TF: variants seen among roughly 807,000 people sequenced by gnomAD.
TF encodes the protein serotransferrin.
TF carries 55 observed loss-of-function variants against 82.4 expected under a neutral mutation model. The observed-to-expected ratio is 0.67, with a 90% CI of 0.54 to 0.84. The LOEUF is 0.84. Among genes scored for constraint, TF ranks in the 40% least tolerant of loss-of-function variants. The pLI, the probability that TF is intolerant of heterozygous loss-of-function variation, is 0.00. For synonymous variants in TF, 332 were observed against 332.6 expected (o/e 1.00, Z 0.02); for missense variants, 737 against 868.4 (o/e 0.85, Z 1.90).
Position 133,781,107 on chromosome 3 carries a change from T to A in TF, c.*2487T>A, listed in dbSNP as rs982998537. On this transcript the variant is annotated 3_prime_UTR_variant, in exon 17 of 17. Transcript: ENST00000402696. ...GCCAAGTCGGGCGGATCACCTGAGG[T>A]CAGGAGTTCGAGACCAGCTTGACAA... The A allele has an allele frequency of 2.0e-5, 3 of 152,062 alleles. No homozygotes were observed. Among genetic ancestry groups the A allele is most frequent in the Non-Finnish European group, 4.4e-5 (3 of 68,038 alleles). 9.4% of individuals were successfully genotyped at this position (152,062 alleles called of 1,614,324 possible). A position where few individuals can be genotyped will look rare whatever the true frequency, so the allele number is the denominator to read the frequency against.
chr3:133,724,584 A>T, the TF span, among the ~76,000 whole-genome samples: 1 of 151,764 alleles, frequency 6.6e-6, no homozygotes, highest in Admixed American at 6.6e-5. Flanking sequence ...GGTTGCGAAA[A>T]TTTTCTCCCA....
Position 133,757,005 on chromosome 3 carries a change from C to T in TF, c.866C>T (p.Ala289Val). The T allele has an allele frequency of 6.2e-7, 1 of 1,614,184 alleles. No homozygotes were observed. ...TTGATCTGGGAGCTTCTCAACCAGG[C>T]CCAGGTATCCCCACCTGCCATCCTC... ...EDLIWELLNQAQEHFGKDKSK... is the reference protein window; with the variant it reads ...EDLIWELLNQVQEHFGKDKSK... The change falls in exon 7 of 17, where the codon GCC becomes GTC. Residue 289 changes from alanine to valine, a missense_variant. Coordinates refer to ENST00000402696, the MANE Select transcript of TF (RefSeq NM_001063.4).
chr3:133,700,256 C>G, the TF span: 2 of 152,448 alleles, frequency 1.3e-5, no homozygotes, highest in East Asian at 3.8e-4. Context: ...TCAGGGAGGG[C>G]AGCAGGTGGC....
chr3:133,732,061 G>T, the TF span, among the ~76,000 whole-genome samples: 1 of 152,146 alleles, frequency 6.6e-6, no homozygotes, highest in African/African-American at 2.4e-5. Context: ...GGGACCTGAG[G>T]GGCTGGGCTC....
At chr3:133,680,502 G>T in the TF span, among the ~76,000 whole-genome samples, 3,131 of 151,332 alleles carry the variant, frequency 0.021, 120 homozygotes, top group African/African-American at 0.072. Flanking sequence ...ATGGCATCCA[G>T]CTACTCTCCA....
At chr3:133,664,509 G>A in the TF span, among the ~76,000 whole-genome samples, 2 of 151,980 alleles carry the variant, frequency 1.3e-5, no homozygotes, top group Non-Finnish European at 2.9e-5. Context: ...TTTTAGTGGA[G>A]ACGGGTTTCA....
chr3:133,685,085 A>G, the TF span, among the ~76,000 whole-genome samples: 1 of 152,216 alleles, frequency 6.6e-6, no homozygotes, highest in Non-Finnish European at 1.5e-5. Flanking sequence ...TCATATAAAC[A>G]GAACCAAAGG....
the TF span, among the ~76,000 whole-genome samples, chr3:133,714,679 T>TTTTG: frequency 4.7e-5 from 7 of 150,254 alleles, no homozygotes; most frequent in Admixed American, 3.3e-4. Context: ...TGAGTTGTTT[T>TTTTG]TTTGTTTGTT....
At chr3:133,739,635 T>C in the TF span, among the ~76,000 whole-genome samples, 1 of 151,068 alleles carries the variant, frequency 6.6e-6, no homozygotes, top group Admixed American at 6.6e-5. Context: ...AAAAACCCTA[T>C]CAAAAAGTGG....
the TF span, chr3:133,688,406 T>C: frequency 1.3e-5 from 2 of 152,284 alleles, no homozygotes; most frequent in African/African-American, 2.4e-5. Context: ...AGAAAGCCTA[T>C]ACTTTCGTTT....
At chr3:133,676,392 C>A in the TF span, among the ~76,000 whole-genome samples, 1 of 152,186 alleles carries the variant, frequency 6.6e-6, no homozygotes, top group Admixed American at 6.5e-5. Flanking sequence ...CGAGGGTGGG[C>A]TCCTCCAGGG....
At chr3:133,764,471 T>A (rs1934075646) in intron 10 of TF, among the ~76,000 whole-genome samples, 196 bp downstream of exon 10, 1 of 152,172 alleles carries the variant, frequency 6.6e-6, no homozygotes, top group Non-Finnish European at 1.5e-5. Flanking sequence ...TATAGTACAT[T>A]CCAGAAATGG....
the TF span, among the ~76,000 whole-genome samples, chr3:133,675,689 T>G: frequency 6.6e-6 from 1 of 152,210 alleles, no homozygotes; most frequent in Non-Finnish European, 1.5e-5. Flanking sequence ...TGGTCTCAGT[T>G]TACAACAGGC....
rs1463506312 is a variant in TF, at chr3:133,791,968, G to C, written c.*13348G>C. On this transcript the variant is annotated 3_prime_UTR_variant, in exon 17 of 17. Coordinates refer to ENST00000402696, the MANE Select transcript of TF (RefSeq NM_001063.4). ...ACTTCATGTAACTTAAGTAATCTTT[G>C]GGAAATAAAGACAGTTTTAAAGATT... 1 of 152,010 alleles carries C rather than the reference G, an allele frequency of 6.6e-6. No homozygotes were observed. Among genetic ancestry groups the C allele is most frequent in the Non-Finnish European group, 1.5e-5 (1 of 67,996 alleles). The allele number at this position is 152,010 out of a possible 1,614,324, so 9.4% of individuals were successfully genotyped here.
intron 2 of TF, among the ~76,000 whole-genome samples, chr3:133,750,755 G>A (rs763542702): frequency 6.6e-6 from 1 of 151,868 alleles, no homozygotes; most frequent in Non-Finnish European, 1.5e-5. Flanking sequence ...CAAAGCTCTC[G>A]TTTGTTTGCT....
At chr3:133,711,361 A>G in the TF span, among the ~76,000 whole-genome samples, 2 of 152,300 alleles carry the variant, frequency 1.3e-5, no homozygotes, top group South Asian at 2.1e-4. Flanking sequence ...GCCTCCAGAC[A>G]TGTATGTATT....
chr3:133,669,886 A>G, the TF span, among the ~76,000 whole-genome samples: 1 of 152,198 alleles, frequency 6.6e-6, no homozygotes, highest in Non-Finnish European at 1.5e-5. Flanking sequence ...CTTATATTAG[A>G]ATGTTGGGCA....
the TF span, among the ~76,000 whole-genome samples, chr3:133,672,445 A>T: frequency 1.6e-4 from 24 of 151,852 alleles, no homozygotes; most frequent in Admixed American, 1.6e-3. Context: ...CACGAACACA[A>T]ATGCAAAAAA....
At chr3:133,694,886 A>ATTTAT in the TF span, among the ~76,000 whole-genome samples, 4,929 of 115,820 alleles carry the variant, frequency 0.043, 89 homozygotes, top group African/African-American at 0.06. Flanking sequence ...TTATTTATTT[A>ATTTAT]TTATTATTAT....
Sources: allele counts gnomAD v4.1 joint callset (sites outside exome capture counted in the v4.1 genomes callset), GRCh38; gene constraint gnomAD v4.1.1; transcripts MANE v1.5; gene names NCBI Gene and HGNC (gene_info 2026-07-23, HGNC 2026-07-21).